The following EXOSC10 variants were observed in gnomAD, a reference collection of about 807,000 sequenced individuals.
EXOSC10 encodes the protein exosome complex component 10.
Under a neutral mutation model 126.6 loss-of-function variants are expected in EXOSC10, and 94 were observed. The ratio of observed to expected loss-of-function variants is 0.74; its 90% CI spans 0.63 to 0.88. The LOEUF (loss-of-function observed/expected upper bound fraction) is 0.88. EXOSC10 is among the 40% of genes least tolerant of loss of function. EXOSC10 has a pLI of 0.00. For synonymous variants in EXOSC10, 395 were observed against 400.8 expected (o/e 0.99, Z 0.17); for missense variants, 1,041 against 1,100.5 (o/e 0.95, Z 0.77).
At chr1:11,089,193 G>A (rs1225094025) in intron 6 of EXOSC10, among the ~76,000 whole-genome samples, 2 of 144,970 alleles carry the variant, frequency 1.4e-5, no homozygotes, top group Admixed American at 7.0e-5. Flanking sequence ...ATTGCACTAC[G>A]GCACCCAGCC....
intron 3 of EXOSC10, among the ~76,000 whole-genome samples, chr1:11,093,373 A>C (rs973144459): frequency 6.6e-6 from 1 of 152,220 alleles, no homozygotes; most frequent in Non-Finnish European, 1.5e-5. Flanking sequence ...GCAGACGTGA[A>C]ATATCAGCTT....
Position 11,087,516 on chromosome 1 carries a change from C to T in EXOSC10, c.1021G>A (p.Asp341Asn). 6.2e-7 allele frequency: 1 copy of T among 1,614,042 alleles called. No individual in the cohort carries two copies. Among genetic ancestry groups the T allele is most frequent in the Non-Finnish European group, 8.5e-7 (1 of 1,179,992 alleles). ...ISTRTEDFII[D>N]TLELRSDMYI... ...ATGTCACTTCGAAGCTCGAGGGTGT[C>T]AATGATGAAGTCTTCCGTCCGAGTA... Residue 341 changes from aspartate to asparagine, a missense_variant, in exon 9 of 25, where the codon GAC (aspartate) becomes AAC (asparagine). By Grantham distance (23) the Asp-to-Asn change is conservative. This residue lies in a region of EXOSC10 where 645 missense variants were observed against 656.3 expected (regional missense o/e 0.98). Transcript: ENST00000376936.
intron 9 of EXOSC10, among the ~76,000 whole-genome samples, chr1:11,085,812 TGA>T (rs1335969505): frequency 2.0e-5 from 3 of 151,806 alleles, no homozygotes; most frequent in Admixed American, 6.6e-5. Flanking sequence ...CCTAATTTAT[TGA>T]GAGTTTTTAG....
At chr1:11,090,525 C>A in intron 6 of EXOSC10, 29 bp downstream of exon 6, 1 of 1,570,028 alleles carries the variant, frequency 6.4e-7, no homozygotes, top group East Asian at 2.2e-5. Flanking sequence ...GTACTCACGG[C>A]AGAAAGTCAG....
intron 19 of EXOSC10, chr1:11,073,044 T>C (rs1639598793): frequency 1.3e-5 from 2 of 152,260 alleles, no homozygotes; most frequent in East Asian, 3.8e-4. Context: ...TCAAGCTGTA[T>C]ATTTAATATT....
chr1:11,072,261 TA>T, intron 19 of EXOSC10, 90 bp from the exon 20 acceptor site: 3 of 887,016 alleles, frequency 3.4e-6, no homozygotes. Flanking sequence ...AAGGGCAGGT[TA>T]ACCTAAGAAG....
intron 1 of EXOSC10, 145 bp downstream of exon 1, chr1:11,099,576 A>C: frequency 7.2e-6 from 6 of 832,928 alleles, no homozygotes; most frequent in South Asian, 1.9e-5. Context: ...AGGGTGCAGG[A>C]GAGTCTGCGC....
At chr1:11,070,242 C>G (rs1639381647) in intron 21 of EXOSC10, among the ~76,000 whole-genome samples, 1 of 112,432 alleles carries the variant, frequency 8.9e-6, no homozygotes, top group Non-Finnish European at 1.7e-5. Flanking sequence ...GACCATGTCA[C>G]TATTTTTTTT....
intron 8 of EXOSC10, 103 bp downstream of exon 8, chr1:11,087,695 ATT>A: frequency 6.7e-7 from 1 of 1,502,264 alleles, no homozygotes; most frequent in Non-Finnish European, 9.0e-7. Flanking sequence ...TATATGATTA[ATT>A]TTTTACCAAA....
chr1:11,070,821 C>T, intron 21 of EXOSC10, 79 bp downstream of exon 21: 1 of 1,315,610 alleles, frequency 7.6e-7, no homozygotes. Flanking sequence ...GGCAAGCCCC[C>T]TAAGATATCC....
intron 23 of EXOSC10, 67 bp from the exon 24 acceptor site, chr1:11,068,151 C>A (rs1309224021): frequency 3.0e-6 from 4 of 1,320,906 alleles, no homozygotes; most frequent in Non-Finnish European, 4.4e-6. Flanking sequence ...GAAAAACACA[C>A]CTGAGCTCAG....
rs972800843 is a variant in EXOSC10, at chr1:11,091,555, G to C, written c.415C>G (p.Gln139Glu). 2.5e-6 allele frequency: 4 copies of C among 1,614,180 alleles called. No homozygotes were observed. Among genetic ancestry groups the C allele is most frequent in the Admixed American group, 3.3e-5 (2 of 60,018 alleles). ...TGCAAGCCGGCAGGGAGGACAGGCTGTTGATTCTTGTTTACACCTGAGGCT... is the reference window on the plus strand; with the variant it reads ...TGCAAGCCGGCAGGGAGGACAGGCTCTTGATTCTTGTTTACACCTGAGGCT... Reference protein sequence around the residue: ...DEASGVNKNQQPVLPAGLQVP... With the variant: ...DEASGVNKNQEPVLPAGLQVP... The change falls in exon 4 of 25, where the codon CAG becomes GAG. Residue 139 changes from glutamine to glutamate, a missense_variant. Coordinates refer to ENST00000376936, the MANE Select transcript of EXOSC10 (RefSeq NM_001001998.3).
intron 3 of EXOSC10, among the ~76,000 whole-genome samples, chr1:11,094,625 CAG>C (rs1236200383): frequency 7.5e-6 from 1 of 134,080 alleles, no homozygotes. Flanking sequence ...TTTTTTGAGA[CAG>C]AGTCTCACTG....
intron 19 of EXOSC10, among the ~76,000 whole-genome samples, chr1:11,073,599 C>G (rs907600343): frequency 4.6e-5 from 7 of 151,968 alleles, no homozygotes; most frequent in Non-Finnish European, 1.0e-4. Context: ...CTTAGAAAGT[C>G]TCTTTTAGGG....
intron 23 of EXOSC10, 74 bp downstream of exon 23, chr1:11,068,569 CCT>C: frequency 3.6e-6 from 4 of 1,099,794 alleles, no homozygotes; most frequent in Non-Finnish European, 5.6e-6. Flanking sequence ...CCTGGATGGG[CCT>C]GTCTTCTCAG....
In EXOSC10 at chr1:11,082,786, G is replaced by C. The variant is rs2100986160; in HGVS notation, c.1182C>G (p.Arg394=). Residue 394 remains arginine (R), a synonymous_variant, in exon 10 of 25, where the codon CGC becomes CGG. Coordinates refer to ENST00000376936, the MANE Select transcript of EXOSC10 (RefSeq NM_001001998.3). ...VNMFDTHQAA[R]LLNLGRHSLD... is the part of the protein sequence containing the mutation. ...GTGAGTGCCTGCCCAGGTTAAGAAG[G>C]CGTGCTGCCTGATGAGTATCAAACA... 6.2e-7 allele frequency: 1 copy of C among 1,614,210 alleles called. No individual in the cohort carries two copies. The highest frequency in any genetic ancestry group is 8.5e-7 in the Non-Finnish European group (1 of 1,180,034).
At chr1:11,078,004 G>A (rs1436252380) in intron 14 of EXOSC10, among the ~76,000 whole-genome samples, 1 of 152,150 alleles carries the variant, frequency 6.6e-6, no homozygotes, top group African/African-American at 2.4e-5. Flanking sequence ...GCTGGCAGGT[G>A]GCTCACAACT....
intron 22 of EXOSC10, 122 bp from the exon 23 acceptor site, chr1:11,068,828 C>CA: frequency 1.3e-6 from 1 of 780,152 alleles, no homozygotes; most frequent in Non-Finnish European, 2.3e-6. Flanking sequence ...GCACCCCTGT[C>CA]ACGATGAGGG....
chr1:11,067,947 C>A (rs1180016340), intron 24 of EXOSC10, 61 bp downstream of exon 24: 1 of 1,481,958 alleles, frequency 6.7e-7, no homozygotes, highest in Non-Finnish European at 9.4e-7. Context: ...ACGGACCACA[C>A]CACGCAGGGC....
Sources: gnomAD v4.1 joint callset for allele counts (sites outside exome capture counted in the v4.1 genomes callset) on GRCh38, gnomAD v4.1.1 for gene constraint, gnomAD v4.1.1 regional missense constraint, MANE v1.5 for transcripts, NCBI Gene and HGNC (gene_info 2026-07-23, HGNC 2026-07-21) for gene names.